The following ACAN variants were observed in gnomAD, a reference collection of about 807,000 sequenced individuals.
The protein encoded by ACAN is aggrecan.
Under a neutral mutation model 169.1 loss-of-function variants are expected in ACAN, and 47 were observed. The observed-to-expected ratio is 0.28, with a 90% CI of 0.22 to 0.35. The LOEUF (loss-of-function observed/expected upper bound fraction) is 0.35, where lower values mean the gene tolerates loss of function less well. Among genes scored for constraint, ACAN ranks in the 10% least tolerant of loss-of-function variants. ACAN has a pLI of 1.00. For missense variants in ACAN, 2,716 were observed against 2,759.9 expected, an observed-to-expected ratio of 0.98 and a Z score of 0.36; for synonymous variants, 1,115 against 1,112.2, an observed-to-expected ratio of 1.00 and a Z score of -0.05.
Position 88,873,698 on chromosome 15 carries a change from C to A in ACAN, c.7448-144C>A, listed in dbSNP as rs1336323492. On this transcript the variant is annotated intron_variant, in intron 17 of 18. Coordinates refer to ENST00000560601, the MANE Select transcript of ACAN (RefSeq NM_001369268.1). The surrounding 1 kb of genome is among the most constrained non-coding windows in gnomAD (Gnocchi z 7.5). The stretch of plus-strand genomic sequence containing the variant: ...CCCAGATGTTACAGCCAGCGGCTTC[C>A]AGATTCTTAGCGCTGCATGAAAACG... 3.3e-5 allele frequency: 28 copies of A among 839,944 alleles called. No homozygotes were observed. The East Asian group carries it at 7.3e-4, about 22-fold the overall frequency. 52.0% of individuals were successfully genotyped at this position (839,944 alleles called of 1,614,324 possible).
rs564286992 is a variant in ACAN, at chr15:88,828,590, C to T, written c.-7-7610C>T. Among the ~76,000 whole-genome samples the T allele has an allele frequency of 6.1e-4, 93 of 152,262 alleles. 1 individual carries two copies. Among genetic ancestry groups the T allele is most frequent in the African/African-American group, 2.1e-3 (88 of 41,548 alleles). On this transcript the variant is annotated intron_variant, in intron 1 of 18. Transcript: ENST00000560601. ...CCAGAGAATGTGCTCAATAGGCAAG[C>T]GAAACCCTTGTGCATTGCCCTGGAT... is the stretch of plus-strand genomic sequence containing the variant.
intron 1 of ACAN, among the ~76,000 whole-genome samples, chr15:88,820,621 T>C (rs539714780): frequency 6.6e-6 from 1 of 152,298 alleles, no homozygotes; most frequent in South Asian, 2.1e-4. Flanking sequence ...ATATTGTACC[T>C]GTCCATCAAG....
rs1438761680 is a variant in ACAN at position 88,866,045 on chromosome 15, A to C, written c.6947-2171A>C. 1.3e-5 allele frequency among the ~76,000 whole-genome samples: 2 copies of C among 152,054 alleles called. No homozygotes were observed. Among genetic ancestry groups the C allele is most frequent in the Admixed American group, 1.3e-4 (2 of 15,272 alleles). Reference sequence around the variant, plus strand: ...TCTGAGCCCCGGAATTTGTTCCTTCAGTCCCCGCAGCCTTCTCAGATTTTG... The same window carrying C: ...TCTGAGCCCCGGAATTTGTTCCTTCCGTCCCCGCAGCCTTCTCAGATTTTG... On this transcript the variant is annotated intron_variant, in intron 13 of 18. Coordinates refer to ENST00000560601, the MANE Select transcript of ACAN (RefSeq NM_001369268.1). This position sits in a 1 kb window ranked among gnomAD's most constrained non-coding sequence, Gnocchi z 5.6.
At chr15:88,823,424 T>C (rs1179837903) in intron 1 of ACAN, among the ~76,000 whole-genome samples, 1 of 151,906 alleles carries the variant, frequency 6.6e-6, no homozygotes. Flanking sequence ...TTTTTTTTTT[T>C]CTTGTTTTTT....
chr15:88,852,091 C>A, intron 11 of ACAN, 58 bp downstream of exon 11: 1 of 1,538,888 alleles, frequency 6.5e-7, no homozygotes, highest in Non-Finnish European at 8.8e-7. Context: ...TGTCTTCCTA[C>A]AGTGTGCCTG....
chr15:88,871,322 G>A lies in ACAN; in HGVS notation c.7061-60G>A. ...AGGAACCTATGCCATAAGACTGGCA[G>A]CATCTGCCATCCCCTGGTGGCCTCT... On this transcript the variant is annotated intron_variant, in intron 14 of 18. Transcript: ENST00000560601. The surrounding 1 kb of genome is among the most constrained non-coding windows in gnomAD (Gnocchi z 7.8). The A allele has an allele frequency of 6.2e-7, 1 of 1,607,454 alleles. No homozygotes were observed. The highest frequency in any genetic ancestry group is 8.5e-7 in the Non-Finnish European group (1 of 1,176,968).
Position 88,857,170 on chromosome 15 carries a change from C to T in ACAN, c.4585C>T (p.Pro1529Ser). ...TGGAGTAGAGGACCTCAGCAGGCTC[C>T]CTTCTGGAGAAGAAGTTCTAGAGAT... ...ASGVEDLSRLPSGEEVLEISA... is the reference protein window; with the variant it reads ...ASGVEDLSRLSSGEEVLEISA... The change falls in exon 12 of 19, where the codon CCT becomes TCT. Residue 1529 changes from proline to serine, a missense_variant. By Grantham distance (74) the Pro-to-Ser change is moderately conservative. Around this residue, in one of 3 missense-constraint regions of ACAN, gnomAD observed 1,389 missense variants for 1,363.7 expected, o/e 1.02. Coordinates refer to ENST00000560601, the MANE Select transcript of ACAN (RefSeq NM_001369268.1). The T allele has an allele frequency of 1.2e-6, 2 of 1,613,796 alleles. No individual in the cohort carries two copies. The highest frequency in any genetic ancestry group is 1.1e-5 in the South Asian group (1 of 91,070).
At position 88,838,966 on chromosome 15, in the gene ACAN, C is replaced by T; in HGVS notation, c.374C>T (p.Ser125Phe). The T allele has an allele frequency of 6.2e-7, 1 of 1,613,538 alleles. No individual in the cohort carries two copies. Among genetic ancestry groups the T allele is most frequent in the Admixed American group, 1.7e-5 (1 of 60,036 alleles). Reference protein sequence around the residue: ...DATLEVQSLRSNDSGVYRCEV... With the variant: ...DATLEVQSLRFNDSGVYRCEV... ...ACCTTGGAAGTCCAGAGCCTGCGCT[C>T]CAATGACTCTGGGGTCTACCGCTGC... Residue 125 changes from serine (S) to phenylalanine (F), a missense_variant, in exon 3 of 19, where the codon TCC (serine) becomes TTC (phenylalanine). This residue lies in a region of ACAN where 1,283 missense variants were observed against 1,281.5 expected (regional missense o/e 1.00). Coordinates refer to ENST00000560601, the MANE Select transcript of ACAN (RefSeq NM_001369268.1). The surrounding 1 kb of genome is among the most constrained non-coding windows in gnomAD (Gnocchi z 5.1).
intron 11 of ACAN, among the ~76,000 whole-genome samples, chr15:88,854,533 G>A (rs959658734): frequency 2.0e-5 from 3 of 152,150 alleles, no homozygotes; most frequent in Non-Finnish European, 2.9e-5. Context: ...GGTGGCCCCC[G>A]CATCTCACAC....
chr15:88,860,533 A>G, intron 13 of ACAN, 94 bp downstream of exon 13: 1 of 959,440 alleles, frequency 1.0e-6, no homozygotes, highest in South Asian at 1.5e-5. Context: ...GAGGCAACCA[A>G]GGTCCACTGA....
Position 88,849,662 on chromosome 15 carries a change from G to A in ACAN, c.1957G>A (p.Val653Ile), listed in dbSNP as rs1328377356. The A allele has an allele frequency of 1.2e-6, 2 of 1,613,648 alleles. No homozygotes were observed. Among genetic ancestry groups the A allele is most frequent in the South Asian group, 1.1e-5 (1 of 91,074 alleles). ...CGGDKPGVRT[V>I]YLYPNQTGLP... ...TGGGGACAAGCCAGGCGTGAGAACG[G>A]TCTACCTCTACCCTAACCAGACGGG... The change falls in exon 10 of 19, where the codon GTC becomes ATC. Residue 653 changes from valine to isoleucine, a missense_variant. Physicochemically the swap from Val to Ile is conservative, Grantham distance 29 (BLOSUM62 3). This residue lies in a region of ACAN where 1,283 missense variants were observed against 1,281.5 expected (regional missense o/e 1.00). Coordinates refer to ENST00000560601, the MANE Select transcript of ACAN (RefSeq NM_001369268.1). This position sits in a 1 kb window ranked among gnomAD's most constrained non-coding sequence, Gnocchi z 5.1.
chr15:88,825,578 G>C (rs1208925771), intron 1 of ACAN, among the ~76,000 whole-genome samples: 1 of 152,190 alleles, frequency 6.6e-6, no homozygotes, highest in Non-Finnish European at 1.5e-5. Context: ...TCAGGAAACT[G>C]CATAGAGACT....
chr15:88,830,731 G>C (rs529163172), intron 1 of ACAN, among the ~76,000 whole-genome samples: 75 of 152,344 alleles, frequency 4.9e-4, no homozygotes, highest in African/African-American at 1.7e-3. Context: ...AAGTTGCTCT[G>C]GATGGGTGAG....
chr15:88,841,621 C>T, intron 4 of ACAN, 119 bp from the exon 5 acceptor site: 2 of 1,282,644 alleles, frequency 1.6e-6, no homozygotes, highest in Non-Finnish European at 2.2e-6. Flanking sequence ...TCAGAAGAGA[C>T]ATTGTCAAAT....
intron 1 of ACAN, among the ~76,000 whole-genome samples, chr15:88,826,383 T>C (rs964653373): frequency 1.2e-4 from 18 of 149,364 alleles, no homozygotes; most frequent in Non-Finnish European, 2.1e-4. Flanking sequence ...TCTTTTTTTT[T>C]TTTTTTTTTT....
Position 88,857,819 on chromosome 15 carries a change from C to T in ACAN, c.5234C>T (p.Thr1745Ile), listed in dbSNP as rs754305276. ...VSGQPSGFPD[T>I]SGETSGVTEL... is the part of the protein sequence containing the mutation. ...GGACAGCCATCAGGGTTTCCTGACA[C>T]TAGTGGGGAAACATCTGGAGTGACT... Residue 1745 changes from threonine (T) to isoleucine (I), a missense_variant, in exon 12 of 19, where the codon ACT becomes ATT. This residue lies in a region of ACAN where 1,389 missense variants were observed against 1,363.7 expected (regional missense o/e 1.02). Transcript: ENST00000560601. 5 of 1,613,800 alleles carry T rather than the reference C, an allele frequency of 3.1e-6. No individual in the cohort carries two copies. The highest frequency in any genetic ancestry group is 2.2e-5 in the East Asian group (1 of 44,896).
Position 88,814,773 on chromosome 15 carries a change from G to A in ACAN, c.-8+10964G>A. Among the ~76,000 whole-genome samples the A allele has an allele frequency of 6.6e-6, 1 of 152,222 alleles. No individual in the cohort carries two copies. Among genetic ancestry groups the A allele is most frequent in the South Asian group, 2.1e-4 (1 of 4,834 alleles). ...GATCAACAAGAACTCCTCTTCAGGT[G>A]TCATAGCTGCTAGCCAGCATGTCCA... On this transcript the variant is annotated intron_variant, in intron 1 of 18. Transcript: ENST00000560601. This position sits in a 1 kb window ranked among gnomAD's most constrained non-coding sequence, Gnocchi z 4.0.
At chr15:88,828,484 A>T (rs1311549843) in intron 1 of ACAN, among the ~76,000 whole-genome samples, 2 of 151,794 alleles carry the variant, frequency 1.3e-5, no homozygotes, top group Non-Finnish European at 2.9e-5. Context: ...CACCCTCCCA[A>T]CCTCACAACT....
At position 88,838,676 on chromosome 15, in the gene ACAN, G is replaced by T; in HGVS notation, c.84G>T (p.Ser28=). 6.3e-7 allele frequency: 1 copy of T among 1,584,870 alleles called. No individual in the cohort carries two copies. The highest frequency in any genetic ancestry group is 8.6e-7 in the Non-Finnish European group (1 of 1,163,974). ...TCTCCCACACAGACCATGACAACTC[G>T]CTGAGTGTCAGCATCCCCCAACCGT... is the stretch of plus-strand genomic sequence containing the variant. ...VTVETSDHDN[S]LSVSIPQPSP... The change falls in exon 3 of 19, where the codon TCG becomes TCT. Residue 28 remains serine (S), a synonymous_variant. Coordinates refer to ENST00000560601, the MANE Select transcript of ACAN (RefSeq NM_001369268.1). The surrounding 1 kb of genome is among the most constrained non-coding windows in gnomAD (Gnocchi z 5.1).
Sources: allele counts gnomAD v4.1 joint callset (sites outside exome capture counted in the v4.1 genomes callset), GRCh38; gene constraint gnomAD v4.1.1; regional missense constraint gnomAD v4.1.1; non-coding constraint Gnocchi (gnomAD v3.1); transcripts MANE v1.5; gene names NCBI Gene and HGNC (gene_info 2026-07-23, HGNC 2026-07-21).